Variants in ZNF277 observed in about 807,000 individuals in gnomAD.
ZNF277 encodes nuclear receptor-interacting factor 4.
Under a neutral mutation model 60.7 loss-of-function variants are expected in ZNF277, and 55 were observed. That is an observed-to-expected ratio of 0.91 (90% CI 0.73 to 1.13). The LOEUF (loss-of-function observed/expected upper bound fraction) is 1.13, where lower values mean the gene tolerates loss of function less well. Ranked by LOEUF, ZNF277 falls within the 50% of genes most tolerant of loss-of-function variation. ZNF277 has a pLI of 0.00. For missense variants in ZNF277, 510 were observed against 523.0 expected (o/e 0.98, Z 0.24); for synonymous variants, 178 against 179.3 (o/e 0.99, Z 0.06).
chr7:112,325,330 T>G, intron 5 of ZNF277, among the ~76,000 whole-genome samples: 1 of 152,168 alleles, frequency 6.6e-6, no homozygotes, highest in East Asian at 1.9e-4. Context: ...GTGCAGACTG[T>G]TAACCCCACC....
At chr7:112,273,151 C>T (rs1204695036) in intron 1 of ZNF277, among the ~76,000 whole-genome samples, 4 of 152,166 alleles carry the variant, frequency 2.6e-5, no homozygotes, top group Non-Finnish European at 4.4e-5. Flanking sequence ...AATTGCAGTC[C>T]TTGTGGCTGA....
chr7:112,210,162 A>T (rs532030244), intron 1 of ZNF277, among the ~76,000 whole-genome samples: 6 of 152,346 alleles, frequency 3.9e-5, no homozygotes, highest in Admixed American at 3.3e-4. Context: ...TAAAATTTTT[A>T]AAAAACATAC....
At chr7:112,226,025 A>T (rs1307337859) in intron 1 of ZNF277, among the ~76,000 whole-genome samples, 1 of 152,150 alleles carries the variant, frequency 6.6e-6, no homozygotes. Flanking sequence ...CAAATAGTTG[A>T]CTATCACAAC....
chr7:112,286,207 G>A (rs561558250), intron 1 of ZNF277, among the ~76,000 whole-genome samples: 1 of 152,324 alleles, frequency 6.6e-6, no homozygotes, highest in East Asian at 1.9e-4. Flanking sequence ...CATCACATAT[G>A]TCTAGTGATC....
chr7:112,218,624 C>T (rs1191791475), intron 1 of ZNF277, among the ~76,000 whole-genome samples: 2 of 152,294 alleles, frequency 1.3e-5, no homozygotes, highest in Admixed American at 1.3e-4. Context: ...CAATCTTCCC[C>T]TCCCCCTAGC....
chr7:112,336,146 C>A lies in ZNF277; in HGVS notation c.844C>A (p.Arg282=). ...SWEEVQLEDD[R]ELLDHQEDDW... ...GGAAGAAGTTCAGTTGGAAGATGAT[C>A]GGGAGTTGCTGGACCATCAGGAAGA... The change falls in exon 8 of 12, where the codon CGG becomes AGG. Residue 282 remains arginine (R), a synonymous_variant. Transcript: ENST00000361822. 6.2e-7 allele frequency: 1 copy of A among 1,610,166 alleles called. No individual in the cohort carries two copies. Among genetic ancestry groups the A allele is most frequent in the South Asian group, 1.1e-5 (1 of 90,510 alleles).
chr7:112,274,983 C>T (rs1480120709), intron 1 of ZNF277, among the ~76,000 whole-genome samples: 1 of 152,098 alleles, frequency 6.6e-6, no homozygotes, highest in Admixed American at 6.5e-5. Context: ...GCCAAAAAGC[C>T]TTTTGTTTGT....
chr7:112,313,872 G>A (rs529409730), intron 4 of ZNF277, among the ~76,000 whole-genome samples: 2 of 152,098 alleles, frequency 1.3e-5, no homozygotes, highest in African/African-American at 4.8e-5. Context: ...TTGATTTTCA[G>A]TAGAGCACTT....
At chr7:112,281,437 G>A (rs1791941680) in intron 1 of ZNF277, among the ~76,000 whole-genome samples, 1 of 151,984 alleles carries the variant, frequency 6.6e-6, no homozygotes, top group African/African-American at 2.4e-5. Flanking sequence ...TGCTTACTGG[G>A]GAGTATACTT....
chr7:112,259,242 ATAAAT>A (rs1296304938), intron 1 of ZNF277, among the ~76,000 whole-genome samples: 1 of 152,194 alleles, frequency 6.6e-6, no homozygotes, highest in Non-Finnish European at 1.5e-5. Flanking sequence ...ATATTTTTGC[ATAAAT>A]TAAACAGAGT....
At chr7:112,235,302 A>T (rs1822458243) in intron 1 of ZNF277, among the ~76,000 whole-genome samples, 1 of 152,104 alleles carries the variant, frequency 6.6e-6, no homozygotes, top group Non-Finnish European at 1.5e-5. Flanking sequence ...TAGAATTCCT[A>T]TGGTCATATA....
chr7:112,239,954 T>C (rs1193096933), intron 1 of ZNF277, among the ~76,000 whole-genome samples: 2 of 152,182 alleles, frequency 1.3e-5, no homozygotes, highest in African/African-American at 4.8e-5. Flanking sequence ...AAGAGTTTTA[T>C]TGGTTTACAG....
At chr7:112,313,551 C>T (rs1264956149) in intron 4 of ZNF277, among the ~76,000 whole-genome samples, 1 of 152,056 alleles carries the variant, frequency 6.6e-6, no homozygotes, top group Non-Finnish European at 1.5e-5. Flanking sequence ...AACCTATCCC[C>T]AAATCCCTAG....
intron 2 of ZNF277, chr7:112,287,312 C>T: frequency 1.9e-6 from 1 of 514,568 alleles, no homozygotes; most frequent in Non-Finnish European, 3.5e-6. Flanking sequence ...GAGTTCGAGG[C>T]TGCAGTGAGT....
intron 1 of ZNF277, among the ~76,000 whole-genome samples, chr7:112,213,620 A>G (rs1272543775): frequency 6.6e-6 from 1 of 152,196 alleles, no homozygotes; most frequent in Admixed American, 6.5e-5. Flanking sequence ...TTTATGTACA[A>G]ATGAGGAAAC....
intron 5 of ZNF277, among the ~76,000 whole-genome samples, chr7:112,326,381 C>T (rs1487844842): frequency 6.6e-6 from 1 of 151,876 alleles, no homozygotes; most frequent in Non-Finnish European, 1.5e-5. Flanking sequence ...CACCCCAAAA[C>T]ACACACACAC....
chr7:112,220,217 A>G (rs957216302), intron 1 of ZNF277, among the ~76,000 whole-genome samples: 10 of 151,708 alleles, frequency 6.6e-5, no homozygotes, highest in African/African-American at 2.4e-4. Context: ...TTCCTCTTCA[A>G]TTTCTCTCAT....
chr7:112,267,777 T>C (rs1248088307), intron 1 of ZNF277, among the ~76,000 whole-genome samples: 2 of 152,146 alleles, frequency 1.3e-5, no homozygotes, highest in Non-Finnish European at 2.9e-5. Flanking sequence ...TTTTCCCTAG[T>C]ATTGATATTT....
intron 2 of ZNF277, among the ~76,000 whole-genome samples, chr7:112,295,533 GA>G (rs1173369695): frequency 1.3e-5 from 2 of 151,970 alleles, no homozygotes; most frequent in African/African-American, 2.4e-5. Context: ...GTATTTTAAA[GA>G]CACATAAACT....
Sources: gnomAD v4.1 joint callset for allele counts (sites outside exome capture counted in the v4.1 genomes callset) on GRCh38, gnomAD v4.1.1 for gene constraint, MANE v1.5 for transcripts, NCBI Gene and HGNC (gene_info 2026-07-23, HGNC 2026-07-21) for gene names.